TXNDC11: variants seen among roughly 807,000 people sequenced by gnomAD.
TXNDC11 encodes thioredoxin domain containing 11.
Under a neutral mutation model 78.0 loss-of-function variants are expected in TXNDC11, and 68 were observed. The observed-to-expected ratio is 0.87, with a 90% CI of 0.72 to 1.07. The LOEUF (loss-of-function observed/expected upper bound fraction) is 1.07. TXNDC11 is among the 50% of genes least tolerant of loss of function. TXNDC11 has a pLI of 0.00. For missense variants in TXNDC11, 1,389 were observed against 1,221.8 expected (o/e 1.14, Z -2.04); for synonymous variants, 571 against 495.2 (o/e 1.15, Z -2.03).
chr16:11,689,368 T>G (rs979682490), intron 8 of TXNDC11, among the ~76,000 whole-genome samples: 4 of 152,226 alleles, frequency 2.6e-5, no homozygotes, highest in African/African-American at 9.6e-5. Context: ...CTAAAGAGAA[T>G]TCATGATCAG....
intron 5 of TXNDC11, among the ~76,000 whole-genome samples, chr16:11,710,354 C>G (rs1329271214): frequency 6.6e-6 from 1 of 151,976 alleles, no homozygotes; most frequent in African/African-American, 2.4e-5. Context: ...TTTTCCCCTC[C>G]AAACAATGCT....
At chr16:11,732,572 G>T (rs2052088065) in intron 3 of TXNDC11, among the ~76,000 whole-genome samples, 1 of 152,084 alleles carries the variant, frequency 6.6e-6, no homozygotes, top group Non-Finnish European at 1.5e-5. Context: ...CCAAAAAGTG[G>T]GGAAGAAATC....
intron 5 of TXNDC11, among the ~76,000 whole-genome samples, chr16:11,702,821 G>A (rs1450891957): frequency 6.6e-6 from 1 of 152,186 alleles, no homozygotes; most frequent in Non-Finnish European, 1.5e-5. Flanking sequence ...ATCTTTCAGT[G>A]GTGTGGTCCT....
rs759386675 is a variant in TXNDC11, at chr16:11,679,627, G to T, written c.2445C>A (p.Ser815Arg). Reference sequence around the variant, plus strand: ...CCTGCACTTGTGCTCGCTGGAGGCTGCTTATTTCTGCTCTCAGTTTCTGGA... The same window carrying T: ...CCTGCACTTGTGCTCGCTGGAGGCTTCTTATTTCTGCTCTCAGTTTCTGGA... ...REIQKLRAEISSLQRAQVQVE... is the reference protein window; with the variant it reads ...REIQKLRAEIRSLQRAQVQVE... The change falls in exon 12 of 12, where the codon AGC becomes AGA. Residue 815 changes from serine to arginine, a missense_variant. By Grantham distance (110) the Ser-to-Arg change is moderately radical (BLOSUM62 -1). Transcript: ENST00000283033. The surrounding 1 kb of genome is among the most constrained non-coding windows in gnomAD (Gnocchi z 4.6). The T allele has an allele frequency of 6.2e-7, 1 of 1,614,098 alleles. No individual in the cohort carries two copies. The highest frequency in any genetic ancestry group is 1.3e-5 in the African/African-American group (1 of 74,950).
intron 5 of TXNDC11, among the ~76,000 whole-genome samples, chr16:11,717,266 C>T (rs1567332209): frequency 2.0e-5 from 3 of 149,312 alleles, no homozygotes; most frequent in African/African-American, 4.9e-5. Flanking sequence ...TCTGTACTAA[C>T]GGTACAAAAA....
At chr16:11,686,044 C>T (rs1197637390) in intron 10 of TXNDC11, among the ~76,000 whole-genome samples, 4 of 152,106 alleles carry the variant, frequency 2.6e-5, no homozygotes, top group Non-Finnish European at 4.4e-5. Flanking sequence ...CTGTAACCTC[C>T]GGCTGCTGGA....
At chr16:11,722,167 C>T (rs2051727572) in intron 4 of TXNDC11, among the ~76,000 whole-genome samples, 1 of 152,166 alleles carries the variant, frequency 6.6e-6, no homozygotes, top group South Asian at 2.1e-4. Context: ...TTAATCTTCA[C>T]CTGTAATCAA....
intron 4 of TXNDC11, among the ~76,000 whole-genome samples, chr16:11,725,759 T>A (rs1200698774): frequency 1.3e-5 from 2 of 152,258 alleles, no homozygotes; most frequent in Admixed American, 6.5e-5. Context: ...AACTGAAGTA[T>A]TTCAGGGTTT....
At chr16:11,700,779 G>A (rs796580464) in intron 5 of TXNDC11, among the ~76,000 whole-genome samples, 11 of 152,306 alleles carry the variant, frequency 7.2e-5, no homozygotes, top group African/African-American at 2.4e-4. Context: ...GGATGTCTCT[G>A]ACTAACGTCT....
intron 4 of TXNDC11, among the ~76,000 whole-genome samples, chr16:11,725,521 G>A (rs1458605110): frequency 6.6e-6 from 1 of 152,198 alleles, no homozygotes; most frequent in Non-Finnish European, 1.5e-5. Context: ...ATTTCTTTGA[G>A]GAAGGAACAT....
At chr16:11,687,046 G>A (rs1214301226) in intron 10 of TXNDC11, among the ~76,000 whole-genome samples, 1 of 152,128 alleles carries the variant, frequency 6.6e-6, no homozygotes, top group East Asian at 1.9e-4. Context: ...TACTTACAGT[G>A]CATATAACAG....
At chr16:11,684,764 T>C (rs2050519931) in intron 10 of TXNDC11, among the ~76,000 whole-genome samples, 1 of 152,196 alleles carries the variant, frequency 6.6e-6, no homozygotes, top group Non-Finnish European at 1.5e-5. Context: ...GCTCAATCAC[T>C]GTGGGAGCTA....
At chr16:11,701,780 A>G (rs2051033266) in intron 5 of TXNDC11, among the ~76,000 whole-genome samples, 1 of 152,180 alleles carries the variant, frequency 6.6e-6, no homozygotes, top group Non-Finnish European at 1.5e-5. Flanking sequence ...GAAAGTAAAG[A>G]AATGAGTATT....
chr16:11,742,652 G>GGCCGCC lies in TXNDC11; in HGVS notation c.73_78dup (p.Gly25_Gly26dup). The GGCCGCC allele has an allele frequency of 1.4e-6, 2 of 1,457,944 alleles. No individual in the cohort carries two copies. The highest frequency in any genetic ancestry group is 3.0e-5 in the East Asian group (1 of 33,156). The allele number at this position is 1,457,944 out of a possible 1,614,324, so 90.3% of individuals were successfully genotyped here. A position where few individuals can be genotyped will look rare whatever the true frequency, so the allele number is the denominator to read the frequency against. On this transcript the variant is annotated inframe_insertion, in exon 1 of 12. Coordinates refer to ENST00000283033, the MANE Select transcript of TXNDC11 (RefSeq NM_015914.7). Reference sequence around the variant, plus strand: ...GAGCTGAGGCAGTCTGAGCCCGCGGGGCCGCCGCCGCCCCCTCCCTCGTCC... The same window carrying GGCCGCC: ...GAGCTGAGGCAGTCTGAGCCCGCGGGGCCGCCGCCGCCGCCGCCCCCTCCCTCGTCC...
At chr16:11,707,738 C>T (rs976377285) in intron 5 of TXNDC11, among the ~76,000 whole-genome samples, 4 of 152,036 alleles carry the variant, frequency 2.6e-5, no homozygotes, top group East Asian at 3.9e-4. Context: ...CCTGAGCCAC[C>T]GCACCCAGCC....
Position 11,742,524 on chromosome 16 carries a change from G to A in TXNDC11, c.207C>T (p.Ala69=). ...GGAGCAGCGCGCAGCCGAGCGCCAC[G>A]GCCCCGCAGAGCAGCTCCGGCCGCT... ...ARQRPELLCG[A]VALGCALLLA... Residue 69 remains alanine (A), a synonymous_variant, in exon 1 of 12, where the codon GCC becomes GCT. Transcript: ENST00000283033. 6.9e-7 allele frequency: 1 copy of A among 1,457,556 alleles called. No homozygotes were observed. The highest frequency in any genetic ancestry group is 1.3e-5 in the South Asian group (1 of 75,270). 90.3% of individuals were successfully genotyped at this position (1,457,556 alleles called of 1,614,324 possible). A position where few individuals can be genotyped will look rare whatever the true frequency, so the allele number is the denominator to read the frequency against.
chr16:11,694,092 C>A (rs1388766652), intron 7 of TXNDC11, among the ~76,000 whole-genome samples: 1 of 133,300 alleles, frequency 7.5e-6, no homozygotes, highest in Non-Finnish European at 1.5e-5. Context: ...CTGTCTACAG[C>A]AATGCTTTTT....
At chr16:11,712,046 T>A (rs756610235) in intron 5 of TXNDC11, among the ~76,000 whole-genome samples, 2 of 152,194 alleles carry the variant, frequency 1.3e-5, no homozygotes, top group Non-Finnish European at 2.9e-5. Flanking sequence ...AAGATTGTAA[T>A]GCTTCTAGTT....
In TXNDC11 at chr16:11,701,097, TTTA is replaced by T. The variant is rs200177743; in HGVS notation, c.794-536_794-534del. Among the ~76,000 whole-genome samples, 1,163 of 151,884 alleles carry T rather than the reference TTTA, an allele frequency of 7.7e-3. 8 individuals carry two copies. Among genetic ancestry groups the T allele is most frequent in the Middle Eastern group, 0.027 (8 of 294 alleles). ...ATTAACATTTGCATAATCTCATTCA[TTTA>T]TTTAGATTTCCTTTGGCCCAATGTC... On this transcript the variant is annotated intron_variant, in intron 5 of 11. Coordinates refer to ENST00000283033, the MANE Select transcript of TXNDC11 (RefSeq NM_015914.7).
Sources: allele counts gnomAD v4.1 joint callset (sites outside exome capture counted in the v4.1 genomes callset), GRCh38; gene constraint gnomAD v4.1.1; non-coding constraint Gnocchi (gnomAD v3.1); transcripts MANE v1.5; gene names NCBI Gene and HGNC (gene_info 2026-07-23, HGNC 2026-07-21).